Variants in DEPTOR observed in about 807,000 individuals in gnomAD.
DEPTOR encodes the protein DEP domain-containing mTOR-interacting protein.
In DEPTOR, 41 loss-of-function variants were observed where a neutral mutation model predicts 41.6. The ratio of observed to expected loss-of-function variants is 0.98; its 90% confidence interval spans 0.77 to 1.28. The LOEUF (loss-of-function observed/expected upper bound fraction) is 1.28. Ranked by LOEUF, DEPTOR falls within the 50% of genes most tolerant of loss-of-function variation. The pLI is 0.00. For missense variants in DEPTOR, 514 were observed against 527.9 expected (o/e 0.97, Z 0.26); for synonymous variants, 195 against 192.3 (o/e 1.01, Z -0.12).
In DEPTOR at chr8:119,930,077, T is replaced by C. The variant is rs1295954332; in HGVS notation, c.425+139T>C. ...ACTGTTCTTTTCCATATGAGAAAAC[T>C]ATCAAGCATTTGCTGTCTCTTTGCC... On this transcript the variant is annotated intron_variant, in intron 3 of 8. Transcript: ENST00000286234. 3.9e-6 allele frequency: 4 copies of C among 1,015,964 alleles called. No homozygotes were observed. The East Asian group carries it at 1.1e-4, about 28-fold the overall frequency. The allele number at this position is 1,015,964 out of a possible 1,614,324, so 62.9% of individuals were successfully genotyped here.
At chr8:119,933,453 G>GACACACACAAGAC (rs1828071149) in intron 3 of DEPTOR, among the ~76,000 whole-genome samples, 2 of 124,482 alleles carry the variant, frequency 1.6e-5, no homozygotes, top group African/African-American at 6.1e-5. Flanking sequence ...GACAGAGCAA[G>GACACACACAAGAC]ACACACACAC....
intron 1 of DEPTOR, among the ~76,000 whole-genome samples, chr8:119,917,008 C>A (rs748592082): frequency 1.2e-4 from 18 of 152,166 alleles, no homozygotes; most frequent in Non-Finnish European, 2.4e-4. Context: ...TGGGCTTAAG[C>A]AATCTGACAG....
At chr8:119,971,661 T>C (rs1256430834) in intron 4 of DEPTOR, among the ~76,000 whole-genome samples, 1 of 152,126 alleles carries the variant, frequency 6.6e-6, no homozygotes, top group Non-Finnish European at 1.5e-5. Context: ...TATCCAGTGC[T>C]TTGGGGGACA....
Position 119,940,136 on chromosome 8 carries a change from G to A in DEPTOR, c.425+10198G>A, listed in dbSNP as rs375465202. Among the ~76,000 whole-genome samples, 13 of 152,190 alleles carry A rather than the reference G, an allele frequency of 8.5e-5. No individual in the cohort carries two copies. In the East Asian group the frequency reaches 1.6e-3, roughly 18 times the overall value. On this transcript the variant is annotated intron_variant, in intron 3 of 8. Coordinates refer to ENST00000286234, the MANE Select transcript of DEPTOR (RefSeq NM_022783.4). ...GGAGGCTGAGGCAGGAGAATCGCTT[G>A]AACGCAGGAGGTGGAGGTTGCAGTG...
chr8:119,876,819 T>C (rs181006858), intron 1 of DEPTOR, among the ~76,000 whole-genome samples: 1 of 152,200 alleles, frequency 6.6e-6, no homozygotes, highest in African/African-American at 2.4e-5. Flanking sequence ...TCTGAGTCTC[T>C]GTTTCCACAT....
At chr8:119,971,672 C>G (rs1173298358) in intron 4 of DEPTOR, among the ~76,000 whole-genome samples, 1 of 152,112 alleles carries the variant, frequency 6.6e-6, no homozygotes, top group Non-Finnish European at 1.5e-5. Context: ...TTGGGGGACA[C>G]AGAGGATTGA....
At chr8:119,963,244 G>T (rs906206397) in intron 3 of DEPTOR, among the ~76,000 whole-genome samples, 4 of 152,174 alleles carry the variant, frequency 2.6e-5, no homozygotes, top group African/African-American at 9.7e-5. Flanking sequence ...CCAACACAAG[G>T]ATGGCTGAGT....
chr8:119,916,188 C>T (rs1253881719), intron 1 of DEPTOR, among the ~76,000 whole-genome samples: 1 of 151,862 alleles, frequency 6.6e-6, no homozygotes, highest in Non-Finnish European at 1.5e-5. Context: ...CAACCTCCAC[C>T]TTCTGGGTTC....
intron 8 of DEPTOR, among the ~76,000 whole-genome samples, chr8:120,020,808 C>T (rs888044875): frequency 6.6e-5 from 10 of 152,146 alleles, no homozygotes; most frequent in Non-Finnish European, 1.3e-4. Flanking sequence ...TCTGTAATCT[C>T]AGTACTTTGG....
At chr8:120,035,752 G>A (rs544412206) in intron 8 of DEPTOR, among the ~76,000 whole-genome samples, 186 of 152,218 alleles carry the variant, frequency 1.2e-3, no homozygotes, top group Non-Finnish European at 2.4e-3. Context: ...GGCTGGTTTC[G>A]AACTCCTGAT....
chr8:119,989,912 A>G (rs570595436), intron 4 of DEPTOR, among the ~76,000 whole-genome samples: 1 of 152,122 alleles, frequency 6.6e-6, no homozygotes, highest in Non-Finnish European at 1.5e-5. Flanking sequence ...GGGTTTAATT[A>G]TTTTGCCAAT....
chr8:119,974,235 TAA>T (rs35885551), intron 4 of DEPTOR, among the ~76,000 whole-genome samples: 9,036 of 75,056 alleles, frequency 0.12, 528 homozygotes, highest in Non-Finnish European at 0.15. Context: ...CTTGTCTCTT[TAA>T]AAAAAAAAAA....
chr8:120,050,435 T>C lies in DEPTOR; in HGVS notation c.*731T>C, dbSNP rs1370132216. On this transcript the variant is annotated 3_prime_UTR_variant, in exon 9 of 9. Transcript: ENST00000286234. Reference sequence around the variant, plus strand: ...TGTTTTATAAATCAGCTATAGCATCTTTCTAGAATTAATCCTGAATATGTT... The same window carrying C: ...TGTTTTATAAATCAGCTATAGCATCCTTCTAGAATTAATCCTGAATATGTT... 1 of 152,222 alleles carries C rather than the reference T, an allele frequency of 6.6e-6. No homozygotes were observed. Among genetic ancestry groups the C allele is most frequent in the African/African-American group, 2.4e-5 (1 of 41,462 alleles). 9.4% of individuals were successfully genotyped at this position (152,222 alleles called of 1,614,324 possible).
intron 3 of DEPTOR, among the ~76,000 whole-genome samples, chr8:119,958,767 T>A (rs147422162): frequency 2.0e-5 from 3 of 151,894 alleles, no homozygotes; most frequent in African/African-American, 7.2e-5. Context: ...GGGTGACAGA[T>A]CGAGACTCTA....
chr8:120,013,842 T>C (rs1367876040), intron 8 of DEPTOR, among the ~76,000 whole-genome samples: 1 of 16,932 alleles, frequency 5.9e-5, no homozygotes, highest in Non-Finnish European at 1.9e-4. Flanking sequence ...TATGACTACT[T>C]TTTTTTTTTT....
At chr8:119,949,961 C>T (rs374407776) in intron 3 of DEPTOR, among the ~76,000 whole-genome samples, 1 of 152,014 alleles carries the variant, frequency 6.6e-6, no homozygotes. Flanking sequence ...ATTACAGATG[C>T]GAATCACTGC....
chr8:119,883,197 G>A (rs1049543999), intron 1 of DEPTOR, among the ~76,000 whole-genome samples: 18 of 151,942 alleles, frequency 1.2e-4, no homozygotes, highest in African/African-American at 2.2e-4. Flanking sequence ...CTTTAGGGCC[G>A]GGCGCGGTGG....
chr8:119,952,616 C>T (rs1222408095), intron 3 of DEPTOR, among the ~76,000 whole-genome samples: 2 of 152,194 alleles, frequency 1.3e-5, no homozygotes, highest in South Asian at 2.1e-4. Context: ...TTGTTCCCCC[C>T]GGGCCGTGTC....
At chr8:119,922,006 G>A (rs1307409622) in intron 1 of DEPTOR, among the ~76,000 whole-genome samples, 1 of 152,012 alleles carries the variant, frequency 6.6e-6, no homozygotes, top group East Asian at 1.9e-4. Flanking sequence ...GGGAGGCCGA[G>A]GTGGGTGGAT....
Sources: allele counts gnomAD v4.1 joint callset (sites outside exome capture counted in the v4.1 genomes callset), GRCh38; gene constraint gnomAD v4.1.1; transcripts MANE v1.5; gene names NCBI Gene and HGNC (gene_info 2026-07-23, HGNC 2026-07-21).